AUH: variants seen among roughly 807,000 people sequenced by gnomAD.
AUH encodes the protein AU RNA binding methylglutaconyl-CoA hydratase.
AUH carries 29 observed loss-of-function variants against 42.3 expected under a neutral mutation model. The observed-to-expected ratio is 0.69, with a 90% confidence interval of 0.51 to 0.93. The LOEUF (loss-of-function observed/expected upper bound fraction) is 0.93, where lower values mean the gene tolerates loss of function less well. Ranked by LOEUF, AUH falls within the 40% of genes least tolerant of loss-of-function variation. AUH has a pLI of 0.00. For synonymous variants in AUH, 174 were observed against 166.4 expected, an observed-to-expected ratio of 1.05 and a Z score of -0.35; for missense variants, 452 against 438.1, an observed-to-expected ratio of 1.03 and a Z score of -0.28.
intron 6 of AUH, among the ~76,000 whole-genome samples, chr9:91,247,119 T>G (rs1205900296): frequency 6.6e-6 from 1 of 152,214 alleles, no homozygotes; most frequent in Non-Finnish European, 1.5e-5. Context: ...CCACATTCTT[T>G]GCAGTGAAGC....
chr9:91,242,774 C>A (rs1672712145), intron 6 of AUH, among the ~76,000 whole-genome samples: 1 of 152,162 alleles, frequency 6.6e-6, no homozygotes, highest in Non-Finnish European at 1.5e-5. Context: ...ATGTTAGAAA[C>A]ACAAAACATC....
At chr9:91,336,507 G>A (rs1000031912) in intron 3 of AUH, among the ~76,000 whole-genome samples, 1 of 151,964 alleles carries the variant, frequency 6.6e-6, no homozygotes, top group African/African-American at 2.4e-5. Flanking sequence ...GTGCACACCT[G>A]TAAACCTAGC....
chr9:91,219,222 G>A (rs775183438), intron 7 of AUH, among the ~76,000 whole-genome samples: 3 of 152,186 alleles, frequency 2.0e-5, no homozygotes, highest in Non-Finnish European at 1.5e-5. Flanking sequence ...AGGCCCTAAG[G>A]GGCTAATAAG....
At chr9:91,282,796 G>T (rs934973058) in intron 6 of AUH, among the ~76,000 whole-genome samples, 1 of 152,080 alleles carries the variant, frequency 6.6e-6, no homozygotes, top group Non-Finnish European at 1.5e-5. Flanking sequence ...CCAATAACAG[G>T]CTCTGAAATT....
intron 6 of AUH, among the ~76,000 whole-genome samples, chr9:91,225,860 T>C (rs1587634364): frequency 3.3e-5 from 5 of 152,170 alleles, no homozygotes; most frequent in African/African-American, 1.2e-4. Flanking sequence ...ATTTCATCCA[T>C]GTCCCTAAAG....
At position 91,218,953 on chromosome 9, in the gene AUH, TTGACCTGGAGG is replaced by T. The variant is rs1826977117; in HGVS notation, c.844-1637_844-1627del. 2.1e-5 allele frequency: 21 copies of T among 985,302 alleles called. No homozygotes were observed. In the South Asian group the frequency reaches 6.1e-4, roughly 29 times the overall value. The allele number at this position is 985,302 out of a possible 1,614,324, so 61.0% of individuals were successfully genotyped here. Reference sequence around the variant, plus strand: ...TATACATCAACATCTTCTTATTTGTTTGACCTGGAGGAAAATTAATTTTAACAATCAACATT... The same window carrying T: ...TATACATCAACATCTTCTTATTTGTTAAAATTAATTTTAACAATCAACATT... On this transcript the variant is annotated intron_variant, in intron 7 of 9. Transcript: ENST00000375731.
intron 3 of AUH, among the ~76,000 whole-genome samples, chr9:91,353,834 A>AG (rs1272608959): frequency 2.7e-5 from 4 of 149,932 alleles, no homozygotes; most frequent in Non-Finnish European, 5.9e-5. Context: ...AAAAAAAAAA[A>AG]AAAAAAAAAA....
At chr9:91,228,467 G>A (rs1022112633) in intron 6 of AUH, among the ~76,000 whole-genome samples, 3 of 147,880 alleles carry the variant, frequency 2.0e-5, no homozygotes, top group Non-Finnish European at 4.5e-5. Context: ...AGTCTTGCTA[G>A]CGGTCTATCA....
intron 6 of AUH, among the ~76,000 whole-genome samples, chr9:91,275,136 A>T (rs1329747382): frequency 6.6e-6 from 1 of 152,196 alleles, no homozygotes; most frequent in Non-Finnish European, 1.5e-5. Flanking sequence ...CATTCCTGTC[A>T]TCCTCCCAAT....
At chr9:91,295,100 C>G (rs1181438999) in intron 6 of AUH, among the ~76,000 whole-genome samples, 1 of 152,090 alleles carries the variant, frequency 6.6e-6, no homozygotes, top group African/African-American at 2.4e-5. Flanking sequence ...TAAGGGGTTT[C>G]CCTTTTCCCT....
At chr9:91,289,067 C>G (rs1826650052) in intron 6 of AUH, among the ~76,000 whole-genome samples, 1 of 152,120 alleles carries the variant, frequency 6.6e-6, no homozygotes, top group South Asian at 2.1e-4. Flanking sequence ...ATATGACAAT[C>G]AATAGCATCA....
intron 6 of AUH, among the ~76,000 whole-genome samples, chr9:91,269,108 G>A (rs1824902659): frequency 6.6e-6 from 1 of 152,064 alleles, no homozygotes; most frequent in Non-Finnish European, 1.5e-5. Flanking sequence ...AGCCTCCTGA[G>A]GAGCTCGGAC....
chr9:91,359,493 G>C (rs112298758), intron 1 of AUH, among the ~76,000 whole-genome samples: 2,605 of 151,882 alleles, frequency 0.017, 64 homozygotes, highest in African/African-American at 0.051. Context: ...ACAAGGTCTT[G>C]TTGTGTCACC....
rs566893773 is a variant in AUH, at chr9:91,358,990, TATC to T, written c.262+2635_262+2637del. On this transcript the variant is annotated intron_variant, in intron 1 of 9. Coordinates refer to ENST00000375731, the MANE Select transcript of AUH (RefSeq NM_001698.3). ...TTCAATCACTTCTCAAGAACTCAAT[TATC>T]ATGCATCCTCCTCACATAACCTAGA... 9.8e-5 allele frequency among the ~76,000 whole-genome samples: 15 copies of T among 152,322 alleles called. No homozygotes were observed. The South Asian group carries it at 2.9e-3, about 29-fold the overall frequency.
At chr9:91,299,089 G>A (rs1012188577) in intron 4 of AUH, among the ~76,000 whole-genome samples, 2 of 152,086 alleles carry the variant, frequency 1.3e-5, no homozygotes, top group Non-Finnish European at 2.9e-5. Context: ...ATGATGGCGG[G>A]TGCCTGTAAT....
chr9:91,245,204 G>A (rs1393367198), intron 6 of AUH, among the ~76,000 whole-genome samples: 1 of 152,136 alleles, frequency 6.6e-6, no homozygotes, highest in East Asian at 1.9e-4. Context: ...CCCAGCAGGT[G>A]GGAACTGGAA....
intron 6 of AUH, among the ~76,000 whole-genome samples, chr9:91,256,596 G>A (rs572520251): frequency 8.3e-4 from 127 of 152,186 alleles, no homozygotes; most frequent in Non-Finnish European, 1.5e-3. Context: ...TTGGGGGTAG[G>A]AGGGTGTCTA....
intron 6 of AUH, among the ~76,000 whole-genome samples, chr9:91,271,091 T>C (rs1016216363): frequency 6.6e-6 from 1 of 152,218 alleles, no homozygotes; most frequent in African/African-American, 2.4e-5. Context: ...TAAGTTTCCC[T>C]TCTCCAAATG....
At chr9:91,219,732 C>A (rs1164928038) in intron 7 of AUH, among the ~76,000 whole-genome samples, 2 of 152,214 alleles carry the variant, frequency 1.3e-5, no homozygotes, top group African/African-American at 4.8e-5. Context: ...ACCGATTCAG[C>A]AGGTGCATAC....
Sources: gnomAD v4.1 joint callset for allele counts (sites outside exome capture counted in the v4.1 genomes callset) on GRCh38, gnomAD v4.1.1 for gene constraint, MANE v1.5 for transcripts, NCBI Gene and HGNC (gene_info 2026-07-23, HGNC 2026-07-21) for gene names.